ADAM12: variants seen among roughly 807,000 people sequenced by gnomAD.
ADAM12 encodes the protein disintegrin and metalloproteinase domain-containing protein 12.
ADAM12 carries 70 observed loss-of-function variants against 106.4 expected under a neutral mutation model. The ratio of observed to expected loss-of-function variants is 0.66; its 90% CI spans 0.54 to 0.80. ADAM12 has a LOEUF of 0.80. Ranked by LOEUF, ADAM12 falls within the 30% of genes least tolerant of loss-of-function variation. The probability of loss-of-function intolerance (pLI) is 0.00; values close to 1 mark genes in which losing one functional copy is unlikely to be tolerated. For missense variants in ADAM12, 1,010 were observed against 1,171.9 expected, an observed-to-expected ratio of 0.86 and a Z score of 2.02; for synonymous variants, 420 against 433.5, an observed-to-expected ratio of 0.97 and a Z score of 0.39.
At chr10:126,238,335 C>T (rs1421865980) in intron 3 of ADAM12, among the ~76,000 whole-genome samples, 1 of 152,062 alleles carries the variant, frequency 6.6e-6, no homozygotes, top group Non-Finnish European at 1.5e-5. Context: ...CAAAAATTAG[C>T]CGGGCGTGGT....
At chr10:126,379,048 G>A (rs1856398824) in intron 1 of ADAM12, among the ~76,000 whole-genome samples, 1 of 152,110 alleles carries the variant, frequency 6.6e-6, no homozygotes, top group Non-Finnish European at 1.5e-5. Flanking sequence ...AAAAAACCCA[G>A]GATGAAAACA....
intron 18 of ADAM12, among the ~76,000 whole-genome samples, chr10:126,041,185 A>G (rs1290149): frequency 0.71 from 107,399 of 151,834 alleles, 38,568 homozygotes; most frequent in African/African-American, 0.79. Flanking sequence ...TTCTTGCTTA[A>G]TGTCTCTCCA....
chr10:126,298,374 C>A (rs982351691), intron 2 of ADAM12, among the ~76,000 whole-genome samples: 6 of 152,136 alleles, frequency 3.9e-5, no homozygotes, highest in Non-Finnish European at 8.8e-5. Flanking sequence ...CATGGAAATT[C>A]TAAAAACTGG....
chr10:126,137,470 A>G (rs1383115542), intron 4 of ADAM12, among the ~76,000 whole-genome samples: 2 of 152,364 alleles, frequency 1.3e-5, no homozygotes, highest in South Asian at 4.1e-4. Context: ...TTATATACTC[A>G]TCACCACTAA....
intron 3 of ADAM12, among the ~76,000 whole-genome samples, chr10:126,240,053 C>A (rs4962523): frequency 0.074 from 11,200 of 152,256 alleles, 499 homozygotes; most frequent in East Asian, 0.13. Context: ...TCAGCTCCCT[C>A]CTGGCTTGCT....
chr10:126,119,270 C>T (rs1956043087), intron 5 of ADAM12, among the ~76,000 whole-genome samples: 1 of 152,128 alleles, frequency 6.6e-6, no homozygotes, highest in Non-Finnish European at 1.5e-5. Context: ...CAGTTTTTTA[C>T]TTACTAGTTA....
intron 1 of ADAM12, among the ~76,000 whole-genome samples, chr10:126,387,179 G>A (rs567540142): frequency 6.6e-6 from 1 of 152,334 alleles, no homozygotes; most frequent in African/African-American, 2.4e-5. Flanking sequence ...GCCCCGGGCG[G>A]CAGAAAGAAG....
At chr10:126,157,755 C>T (rs750545019) in intron 3 of ADAM12, among the ~76,000 whole-genome samples, 11 of 152,320 alleles carry the variant, frequency 7.2e-5, no homozygotes, top group Non-Finnish European at 1.2e-4. Context: ...GCTCTGAAAC[C>T]CCTGTCTTCT....
chr10:126,301,154 T>A (rs577889443), intron 2 of ADAM12, among the ~76,000 whole-genome samples: 5 of 152,224 alleles, frequency 3.3e-5, no homozygotes, highest in Admixed American at 2.6e-4. Context: ...ACCCTCCCTC[T>A]CCCCAGCACA....
rs1327257204 is a variant in ADAM12 at position 126,053,294 on chromosome 10, T to A, written c.1610-3625A>T. ...TATAAATTACCCAGTCTCAGGTATT[T>A]ATTTATTTATAGCAGTGTGAGAACA... On this transcript the variant is annotated intron_variant, in intron 14 of 22. Transcript: ENST00000448723. This position sits in a 1 kb window ranked among gnomAD's most constrained non-coding sequence, Gnocchi z 4.6. 1.3e-5 allele frequency among the ~76,000 whole-genome samples: 2 copies of A among 152,196 alleles called. No homozygotes were observed. The highest frequency in any genetic ancestry group is 2.9e-5 in the Non-Finnish European group (2 of 68,036).
At chr10:126,094,978 T>C (rs1451944900) in intron 10 of ADAM12, among the ~76,000 whole-genome samples, 1 of 152,180 alleles carries the variant, frequency 6.6e-6, no homozygotes, top group African/African-American at 2.4e-5. Context: ...TACTTAACTT[T>C]TACAAACTGA....
At chr10:126,045,189 A>G (rs1187240712) in intron 17 of ADAM12, among the ~76,000 whole-genome samples, 1 of 152,234 alleles carries the variant, frequency 6.6e-6, no homozygotes, top group Non-Finnish European at 1.5e-5. Flanking sequence ...CAGTAAAATA[A>G]TAGGACTGGA....
At chr10:126,331,509 C>T (rs1854510494) in intron 1 of ADAM12, among the ~76,000 whole-genome samples, 1 of 152,174 alleles carries the variant, frequency 6.6e-6, no homozygotes, top group Non-Finnish European at 1.5e-5. Flanking sequence ...TTATCATGCT[C>T]AATGTGGAAG....
In ADAM12 at chr10:126,388,187, G is replaced by A; in HGVS notation, c.-42C>T. 1 of 1,201,628 alleles carries A rather than the reference G, an allele frequency of 8.3e-7. No homozygotes were observed. Among genetic ancestry groups the A allele is most frequent in the Non-Finnish European group, 1.0e-6 (1 of 968,428 alleles). 74.4% of individuals were successfully genotyped at this position (1,201,628 alleles called of 1,614,324 possible). A position where few individuals can be genotyped will look rare whatever the true frequency, so the allele number is the denominator to read the frequency against. On this transcript the variant is annotated 5_prime_UTR_variant, in exon 1 of 23. Transcript: ENST00000448723. This position sits in a 1 kb window ranked among gnomAD's most constrained non-coding sequence, Gnocchi z 4.4. The stretch of plus-strand genomic sequence containing the variant: ...TGCAGCAGCTCTCGGGCCCGGCGGC[G>A]AGCGCTGCACCATCCCACGCGGGCG...
rs1162587565 is a variant in ADAM12, at chr10:126,256,545, G to A, written c.260+22370C>T. ...GTCAGACTCTGGTCTGGGAGGTGGG[G>A]ATTCAGCCCTGGGGCCTTCAGGAGC... On this transcript the variant is annotated intron_variant, in intron 3 of 22. Coordinates refer to ENST00000448723, the MANE Select transcript of ADAM12 (RefSeq NM_001288973.2). 3.5e-5 allele frequency among the ~76,000 whole-genome samples: 5 copies of A among 144,522 alleles called. No homozygotes were observed. The East Asian group carries it at 1.0e-3, about 29-fold the overall frequency. 94.8% of individuals were successfully genotyped at this position (144,522 alleles called of 152,430 possible).
chr10:126,036,297 T>C lies in ADAM12; in HGVS notation c.2378A>G (p.Gln793Arg), dbSNP rs758448078. 5.1e-6 allele frequency: 8 copies of C among 1,564,802 alleles called. No individual in the cohort carries two copies. The highest frequency in any genetic ancestry group is 2.4e-5 in the East Asian group (1 of 40,840). ...KDNPRRLLQC[Q>R]NVDISRPLNG... ...GAGGGGTCTGCTGATGTCAACATTC[T>C]GACACTGCAGCAATCTCCTGGGATT... Residue 793 changes from glutamine to arginine, a missense_variant, in exon 21 of 23, where the codon CAG becomes CGG. Around this residue, in one of 3 missense-constraint regions of ADAM12, gnomAD observed 615 missense variants for 708.5 expected, o/e 0.87. Transcript: ENST00000448723.
At chr10:126,343,476 C>A (rs144269456) in intron 1 of ADAM12, among the ~76,000 whole-genome samples, 1 of 152,148 alleles carries the variant, frequency 6.6e-6, no homozygotes, top group Non-Finnish European at 1.5e-5. Flanking sequence ...GGGAATAGTG[C>A]CGCAATAAAC....
intron 8 of ADAM12, among the ~76,000 whole-genome samples, chr10:126,107,769 G>A (rs555589954): frequency 7.2e-5 from 11 of 152,100 alleles, no homozygotes; most frequent in East Asian, 1.9e-4. Context: ...CCTCCCCCCC[G>A]CCCTGCCCCT....
chr10:126,058,429 A>C (rs2133462816), intron 14 of ADAM12, among the ~76,000 whole-genome samples: 1 of 152,348 alleles, frequency 6.6e-6, no homozygotes, highest in Admixed American at 6.5e-5. Flanking sequence ...ATTTCCACTT[A>C]TTCATTGACA....
Sources: gnomAD v4.1 joint callset for allele counts (sites outside exome capture counted in the v4.1 genomes callset) on GRCh38, gnomAD v4.1.1 for gene constraint, gnomAD v4.1.1 regional missense constraint, Gnocchi (gnomAD v3.1) non-coding constraint, MANE v1.5 for transcripts, NCBI Gene and HGNC (gene_info 2026-07-23, HGNC 2026-07-21) for gene names.